PRKG1: variants seen among roughly 807,000 people sequenced by gnomAD.
PRKG1 encodes the protein cGMP-dependent protein kinase 1.
In PRKG1, 35 loss-of-function variants were observed where a neutral mutation model predicts 88.1. The ratio of observed to expected loss-of-function variants is 0.40; its 90% confidence interval spans 0.30 to 0.53. PRKG1 has a LOEUF of 0.53. Among genes scored for constraint, PRKG1 ranks in the 20% least tolerant of loss-of-function variants. The pLI is 0.59. For synonymous variants in PRKG1, 303 were observed against 292.5 expected (o/e 1.04, Z -0.37); for missense variants, 540 against 839.8 (o/e 0.64, Z 4.41).
intron 3 of PRKG1, among the ~76,000 whole-genome samples, chr10:51,643,922 C>A (rs188382805): frequency 3.9e-5 from 6 of 152,252 alleles, no homozygotes; most frequent in African/African-American, 9.6e-5. Context: ...ACTAATCCTG[C>A]CCCATCCACG....
chr10:52,189,957 G>A (rs181085223), intron 9 of PRKG1, among the ~76,000 whole-genome samples: 10 of 152,132 alleles, frequency 6.6e-5, no homozygotes, highest in African/African-American at 7.2e-5. Flanking sequence ...TGAAAGCATT[G>A]ATAATCCTAT....
At chr10:51,640,438 G>T (rs950518344) in intron 3 of PRKG1, among the ~76,000 whole-genome samples, 1 of 152,064 alleles carries the variant, frequency 6.6e-6, no homozygotes, top group African/African-American at 2.4e-5. Context: ...TTCTGACATG[G>T]TGGAGCTTGT....
chr10:51,727,199 G>T (rs1175692153), intron 3 of PRKG1, among the ~76,000 whole-genome samples: 2 of 151,598 alleles, frequency 1.3e-5, no homozygotes, highest in South Asian at 4.2e-4. Flanking sequence ...CCAGCTATTT[G>T]GGGGGCTGAG....
chr10:51,184,291 T>A (rs1479437768), intron 2 of PRKG1, among the ~76,000 whole-genome samples: 1 of 152,198 alleles, frequency 6.6e-6, no homozygotes, highest in Non-Finnish European at 1.5e-5. Flanking sequence ...AGCTTTTATT[T>A]TTTGATGGAG....
Position 51,906,811 on chromosome 10 carries a change from G to A in PRKG1, c.699-696G>A, listed in dbSNP as rs139044707. ...TTCCCCACAAGAGACAGCTCTACAG[G>A]AGAGAAATAATTTTCAAAATATGTC... On this transcript the variant is annotated intron_variant, in intron 4 of 17. Coordinates refer to ENST00000373980, the MANE Select transcript of PRKG1 (RefSeq NM_006258.4). 7.9e-3 allele frequency among the ~76,000 whole-genome samples: 1,209 copies of A among 152,246 alleles called. 17 individuals carry two copies. Among genetic ancestry groups the A allele is most frequent in the African/African-American group, 0.025 (1,049 of 41,558 alleles).
At chr10:51,339,845 T>A (rs1360232699) in intron 2 of PRKG1, among the ~76,000 whole-genome samples, 4 of 152,048 alleles carry the variant, frequency 2.6e-5, no homozygotes, top group Non-Finnish European at 5.9e-5. Flanking sequence ...TTTTACTTTT[T>A]AAAAAAACTC....
intron 3 of PRKG1, among the ~76,000 whole-genome samples, chr10:51,702,627 C>T (rs138131249): frequency 2.2e-4 from 34 of 152,232 alleles, no homozygotes; most frequent in Admixed American, 5.9e-4. Flanking sequence ...CACACAAGAG[C>T]ATCTATGGCC....
At chr10:51,961,784 G>A (rs1207213882) in intron 5 of PRKG1, among the ~76,000 whole-genome samples, 4 of 152,140 alleles carry the variant, frequency 2.6e-5, no homozygotes, top group Non-Finnish European at 4.4e-5. Context: ...TTGTGTATTC[G>A]ATACTTGAGG....
At chr10:51,596,844 GC>G (rs1838461807) in intron 3 of PRKG1, among the ~76,000 whole-genome samples, 1 of 152,072 alleles carries the variant, frequency 6.6e-6, no homozygotes, top group Non-Finnish European at 1.5e-5. Flanking sequence ...GACTGTAAAG[GC>G]CTATTCAAGC....
chr10:51,126,109 A>G (rs1171497871), intron 1 of PRKG1, among the ~76,000 whole-genome samples: 1 of 77,760 alleles, frequency 1.3e-5, no homozygotes, highest in Non-Finnish European at 2.7e-5. Flanking sequence ...TACTATATAT[A>G]ATTATATAAT....
At chr10:51,829,932 A>G (rs1589328941) in intron 4 of PRKG1, among the ~76,000 whole-genome samples, 1 of 152,186 alleles carries the variant, frequency 6.6e-6, no homozygotes, top group African/African-American at 2.4e-5. Context: ...GAGCTGTTCA[A>G]AATGTTATGG....
intron 3 of PRKG1, among the ~76,000 whole-genome samples, chr10:51,760,672 A>G (rs970171924): frequency 2.6e-5 from 4 of 151,906 alleles, no homozygotes; most frequent in African/African-American, 7.2e-5. Flanking sequence ...GGGTTTCACC[A>G]TGTTGGCCAG....
At position 52,152,309 on chromosome 10, in the gene PRKG1, A is replaced by G. The variant is rs567261949; in HGVS notation, c.1002-9580A>G. Among the ~76,000 whole-genome samples, 5 of 152,274 alleles carry G rather than the reference A, an allele frequency of 3.3e-5. No individual in the cohort carries two copies. The South Asian group carries it at 1.0e-3, about 32-fold the overall frequency. ...CTAGTTCCTAAATAGAGATACTGAT[A>G]AAGAAGCTAGACTAGGTGCCTGATC... is the stretch of plus-strand genomic sequence containing the variant. On this transcript the variant is annotated intron_variant, in intron 8 of 17. Transcript: ENST00000373980.
At chr10:51,601,591 A>C (rs1838601307) in intron 3 of PRKG1, among the ~76,000 whole-genome samples, 1 of 151,932 alleles carries the variant, frequency 6.6e-6, no homozygotes, top group African/African-American at 2.4e-5. Flanking sequence ...GCCTTTTCTC[A>C]TTTGAAAAAA....
intron 2 of PRKG1, among the ~76,000 whole-genome samples, chr10:51,275,357 G>T (rs1399285604): frequency 6.6e-6 from 1 of 151,930 alleles, no homozygotes; most frequent in African/African-American, 2.4e-5. Flanking sequence ...CACTTCTTTT[G>T]TTCATAAAAC....
chr10:51,765,827 T>A (rs1226312840), intron 3 of PRKG1, among the ~76,000 whole-genome samples: 1 of 48,172 alleles, frequency 2.1e-5, no homozygotes, highest in African/African-American at 1.2e-4. Flanking sequence ...TTTTTTTTTT[T>A]TTTTTTTTTT....
intron 3 of PRKG1, among the ~76,000 whole-genome samples, chr10:51,500,727 A>G (rs1309988894): frequency 1.3e-5 from 2 of 152,090 alleles, no homozygotes; most frequent in Admixed American, 1.3e-4. Flanking sequence ...CTCCCTTTAC[A>G]TTGGCTCACT....
intron 7 of PRKG1, among the ~76,000 whole-genome samples, chr10:52,133,324 T>C (rs1837315829): frequency 6.6e-6 from 1 of 152,094 alleles, no homozygotes; most frequent in Admixed American, 6.5e-5. Context: ...TAACTTCTGA[T>C]ATAGATGAAT....
intron 3 of PRKG1, among the ~76,000 whole-genome samples, chr10:51,780,947 T>C (rs1190151221): frequency 6.6e-6 from 1 of 152,084 alleles, no homozygotes; most frequent in Admixed American, 6.6e-5. Flanking sequence ...TTGAAAGAAA[T>C]GTTTATCATC....
Sources: allele counts gnomAD v4.1 joint callset (sites outside exome capture counted in the v4.1 genomes callset), GRCh38; gene constraint gnomAD v4.1.1; transcripts MANE v1.5; gene names NCBI Gene and HGNC (gene_info 2026-07-23, HGNC 2026-07-21).